The following AP1B1 variants were observed in gnomAD, a reference collection of about 807,000 sequenced individuals.
The protein encoded by AP1B1 is AP-1 complex subunit beta-1.
AP1B1 carries 36 observed loss-of-function variants against 104.3 expected under a neutral mutation model. The ratio of observed to expected loss-of-function variants is 0.35; its 90% CI spans 0.26 to 0.46. AP1B1 has a LOEUF of 0.46. Among genes scored for constraint, AP1B1 ranks in the 20% least tolerant of loss-of-function variants. AP1B1 has a pLI of 1.00. For synonymous variants in AP1B1, 504 were observed against 517.5 expected (o/e 0.97, Z 0.35); for missense variants, 901 against 1,247.9 (o/e 0.72, Z 4.19).
Position 29,349,271 on chromosome 22 carries a change from C to A in AP1B1, c.1384G>T (p.Ala462Ser), listed in dbSNP as rs758965380. The A allele has an allele frequency of 1.2e-6, 2 of 1,613,864 alleles. No individual in the cohort carries two copies. Among genetic ancestry groups the A allele is most frequent in the Non-Finnish European group, 1.7e-6 (2 of 1,180,054 alleles). Residue 462 changes from alanine (A) to serine (S), a missense_variant, in exon 11 of 23, where the codon GCA (alanine) becomes TCA (serine). This residue lies in a region of AP1B1 where 471 missense variants were observed against 696.7 expected (regional missense o/e 0.68). Coordinates refer to ENST00000357586, the MANE Select transcript of AP1B1 (RefSeq NM_001127.4). ...VGEYAERIDN[A>S]DELLESFLEG... Reference sequence around the variant, plus strand: ...AGGAAGCTCTCCAGCAGCTCATCTGCGTTGTCGATCCGTTCCGCGTACTCG... The same window carrying A: ...AGGAAGCTCTCCAGCAGCTCATCTGAGTTGTCGATCCGTTCCGCGTACTCG...
At chr22:29,334,506 T>A in intron 16 of AP1B1, 96 bp from the exon 17 acceptor site, 1 of 1,365,224 alleles carries the variant, frequency 7.3e-7, no homozygotes, top group African/African-American at 1.5e-5. Flanking sequence ...CTCTCTCTCC[T>A]GCAGGGGCCT....
chr22:29,356,541 G>A lies in AP1B1; in HGVS notation c.601C>T (p.Pro201Ser), dbSNP rs2061961065. ...GTCAGCAGCTTGTTGATGGACTGTG[G>A]GTTCAGATCGAGCAGGTTGCTGCTG... ...HPSSNLLDLN[P>S]QSINKLLTAL... Residue 201 changes from proline to serine, a missense_variant, in exon 6 of 23, where the codon CCA (proline) becomes TCA (serine). Physicochemically the swap from Pro to Ser is moderately conservative, Grantham distance 74. Around this residue, in one of 3 missense-constraint regions of AP1B1, gnomAD observed 471 missense variants for 696.7 expected, o/e 0.68. Transcript: ENST00000357586. The A allele has an allele frequency of 1.2e-6, 2 of 1,614,216 alleles. No individual in the cohort carries two copies. The highest frequency in any genetic ancestry group is 1.7e-6 in the Non-Finnish European group (2 of 1,180,024).
intron 3 of AP1B1, among the ~76,000 whole-genome samples, chr22:29,361,142 G>C (rs1569161221): frequency 3.9e-5 from 6 of 152,240 alleles, no homozygotes. Context: ...GGGTGAAGGA[G>C]AGCAGCTTTG....
At chr22:29,376,968 G>A (rs2062353149) in intron 1 of AP1B1, among the ~76,000 whole-genome samples, 1 of 152,092 alleles carries the variant, frequency 6.6e-6, no homozygotes, top group African/African-American at 2.4e-5. Flanking sequence ...GGCCGAGGTG[G>A]GAGGATCACT....
At chr22:29,349,768 G>A (rs945308344) in intron 10 of AP1B1, among the ~76,000 whole-genome samples, 3 of 151,996 alleles carry the variant, frequency 2.0e-5, no homozygotes, top group African/African-American at 4.8e-5. Context: ...CACCCGCCTC[G>A]GCCTCCCAAA....
chr22:29,380,799 G>A (rs953297466), intron 1 of AP1B1, among the ~76,000 whole-genome samples: 2 of 152,098 alleles, frequency 1.3e-5, no homozygotes, highest in African/African-American at 4.8e-5. Flanking sequence ...CCCCATCTCA[G>A]CAACAGCCAG....
At chr22:29,366,640 G>C (rs919136669) in intron 2 of AP1B1, among the ~76,000 whole-genome samples, 1 of 151,420 alleles carries the variant, frequency 6.6e-6, no homozygotes, top group Admixed American at 6.6e-5. Context: ...AAAAAAACAA[G>C]AAAGAAAAAT....
chr22:29,340,504 A>G (rs2061697929), intron 14 of AP1B1, 152 bp downstream of exon 14: 1 of 829,876 alleles, frequency 1.2e-6, no homozygotes. Flanking sequence ...CATCATAAGT[A>G]GGGAGCTACA....
chr22:29,330,720 A>C lies in AP1B1; in HGVS notation c.2525-11T>G. On this transcript the variant is annotated splice_polypyrimidine_tract_variant and intron_variant, in intron 19 of 22. Coordinates refer to ENST00000357586, the MANE Select transcript of AP1B1 (RefSeq NM_001127.4). Reference sequence around the variant, plus strand: ...GGAACATCTGCCGGTCTGCGGGGTGAGCAGGGTGGGGATGAGAGGCGAGCC... The same window carrying C: ...GGAACATCTGCCGGTCTGCGGGGTGCGCAGGGTGGGGATGAGAGGCGAGCC... 6.2e-7 allele frequency: 1 copy of C among 1,608,996 alleles called. No individual in the cohort carries two copies. The highest frequency in any genetic ancestry group is 1.3e-5 in the African/African-American group (1 of 74,960).
chr22:29,331,116 T>C (rs1233120842), intron 19 of AP1B1, among the ~76,000 whole-genome samples: 3 of 152,118 alleles, frequency 2.0e-5, no homozygotes, highest in African/African-American at 4.8e-5. Context: ...TCTTGGGGGT[T>C]CCAGAAAGGG....
intron 12 of AP1B1, among the ~76,000 whole-genome samples, 179 bp from the exon 13 acceptor site, chr22:29,341,939 A>G (rs779078255): frequency 2.6e-4 from 40 of 152,250 alleles, no homozygotes; most frequent in Non-Finnish European, 4.1e-4. Context: ...CCCCGGGCTC[A>G]TTCCCCATGG....
intron 21 of AP1B1, chr22:29,330,000 TG>T: frequency 7.1e-7 from 1 of 1,412,112 alleles, no homozygotes; most frequent in Non-Finnish European, 9.2e-7. Context: ...CCTCAAAGGC[TG>T]GGAGGTTCAG....
intron 7 of AP1B1, among the ~76,000 whole-genome samples, chr22:29,354,240 G>A (rs185397706): frequency 4.6e-5 from 7 of 152,322 alleles, no homozygotes; most frequent in African/African-American, 9.6e-5. Flanking sequence ...AGGACAGCTC[G>A]TGGACTATGA....
chr22:29,362,484 C>T lies in AP1B1; in HGVS notation c.143+517G>A, dbSNP rs559903488. On this transcript the variant is annotated intron_variant, in intron 3 of 22. Coordinates refer to ENST00000357586, the MANE Select transcript of AP1B1 (RefSeq NM_001127.4). ...GCCTCAGCCTCCCGAGTAGCTGAGA[C>T]TACAGGCATGCGCCACCATGCCCGG... 2.3e-4 allele frequency among the ~76,000 whole-genome samples: 35 copies of T among 151,976 alleles called. 1 individual carries two copies. The highest frequency in any genetic ancestry group is 3.4e-4 in the African/African-American group (14 of 41,478).
chr22:29,373,191 A>C (rs1012237277), intron 1 of AP1B1, among the ~76,000 whole-genome samples: 1 of 152,010 alleles, frequency 6.6e-6, no homozygotes, highest in Non-Finnish European at 1.5e-5. Flanking sequence ...GGACTACTTG[A>C]GCCTGGGAGG....
At chr22:29,329,481 G>T (rs2061524522) in intron 22 of AP1B1, 1 of 1,396,024 alleles carries the variant, frequency 7.2e-7, no homozygotes. Flanking sequence ...GAGTTCCGCA[G>T]GTCAGCAGCA....
Position 29,376,434 on chromosome 22 carries a change from A to G in AP1B1, c.-27-9164T>C, listed in dbSNP as rs118082661. Reference sequence around the variant, plus strand: ...AAAAGCTTTAGGAAAGGAAAAGGGGAAAGAGACATTTCACAAGGTCAGATC... The same window carrying G: ...AAAAGCTTTAGGAAAGGAAAAGGGGGAAGAGACATTTCACAAGGTCAGATC... On this transcript the variant is annotated intron_variant, in intron 1 of 22. Coordinates refer to ENST00000357586, the MANE Select transcript of AP1B1 (RefSeq NM_001127.4). Among the ~76,000 whole-genome samples, 973 of 152,316 alleles carry G rather than the reference A, an allele frequency of 6.4e-3. 10 individuals are homozygous for G. The highest frequency in any genetic ancestry group is 0.017 in the Middle Eastern group (5 of 294).
Position 29,351,725 on chromosome 22 carries a change from A to G in AP1B1, c.1039T>C (p.Ser347Pro), listed in dbSNP as rs931646658. 1.2e-6 allele frequency: 2 copies of G among 1,613,958 alleles called. No homozygotes were observed. The highest frequency in any genetic ancestry group is 1.3e-5 in the African/African-American group (1 of 74,942). The change falls in exon 8 of 23, where the codon TCT (serine) becomes CCT (proline). Residue 347 changes from serine to proline, a missense_variant. Coordinates refer to ENST00000357586, the MANE Select transcript of AP1B1 (RefSeq NM_001127.4). ...EKLDIMIRLA[S>P]QANIAQVLAE... ...CTGACCTGGGCGATGTTGGCCTGAG[A>G]GGCCAGGCGGATCATGATGTCCAGC...
chr22:29,388,031 T>C (rs573381527), intron 1 of AP1B1, among the ~76,000 whole-genome samples: 1 of 152,310 alleles, frequency 6.6e-6, no homozygotes, highest in South Asian at 2.1e-4. Flanking sequence ...TTTTCTTTCT[T>C]CTTTTTCAAC....
Sources: allele counts gnomAD v4.1 joint callset (sites outside exome capture counted in the v4.1 genomes callset), GRCh38; gene constraint gnomAD v4.1.1; regional missense constraint gnomAD v4.1.1; transcripts MANE v1.5; gene names NCBI Gene and HGNC (gene_info 2026-07-23, HGNC 2026-07-21).